SLC60A1: variants seen among roughly 807,000 people sequenced by gnomAD.
The protein encoded by SLC60A1 is solute carrier family 60 member 1.
the SLC60A1 span, chr1:205,600,640 T>C: frequency 1.7e-6 from 1 of 602,352 alleles, no homozygotes; most frequent in African/African-American, 1.9e-5. Context: ...TCAAAATCAT[T>C]AGAAGTTTAC....
the SLC60A1 span, chr1:205,597,732 T>C: frequency 1.6e-5 from 25 of 1,603,118 alleles, no homozygotes; most frequent in Non-Finnish European, 2.1e-5. Context: ...TGCTGGCTTC[T>C]GTCTCCTTAA....
chr1:205,570,520 A>G, the SLC60A1 span, among the ~76,000 whole-genome samples: 1 of 152,238 alleles, frequency 6.6e-6, no homozygotes, highest in African/African-American at 2.4e-5. Flanking sequence ...AGCTGGTGGA[A>G]GGAGCACAGG....
the SLC60A1 span, chr1:205,598,995 C>A: frequency 1.7e-6 from 2 of 1,176,308 alleles, no homozygotes; most frequent in Non-Finnish European, 2.4e-6. Context: ...CCCTCCTCCC[C>A]GTGATTCCAT....
At chr1:205,584,746 C>G in the SLC60A1 span, 3 of 767,972 alleles carry the variant, frequency 3.9e-6, no homozygotes, top group East Asian at 5.0e-5. Context: ...ACAGAAAGGT[C>G]GTGAAAGTAG....
chr1:205,584,571 A>G, the SLC60A1 span, among the ~76,000 whole-genome samples: 6 of 145,040 alleles, frequency 4.1e-5, no homozygotes, highest in East Asian at 9.9e-4. Context: ...AAAAAAGAAA[A>G]TCTTGGCCCT....
the SLC60A1 span, among the ~76,000 whole-genome samples, chr1:205,594,516 C>T: frequency 1.3e-5 from 2 of 151,976 alleles, no homozygotes; most frequent in South Asian, 2.1e-4. Flanking sequence ...ATTAGCTAGG[C>T]GTGGTGGCAG....
the SLC60A1 span, among the ~76,000 whole-genome samples, chr1:205,579,324 C>G: frequency 1.5e-5 from 2 of 135,074 alleles, no homozygotes; most frequent in African/African-American, 5.9e-5. Context: ...AAATGCCCAG[C>G]TCTGAGACTT....
the SLC60A1 span, chr1:205,586,085 G>A: frequency 5.0e-6 from 8 of 1,613,398 alleles, no homozygotes; most frequent in Non-Finnish European, 6.8e-6. Context: ...GCCCCTGTCT[G>A]TGGGACACAA....
At chr1:205,581,034 G>C in the SLC60A1 span, 1 of 1,373,414 alleles carries the variant, frequency 7.3e-7, no homozygotes, top group Non-Finnish European at 9.8e-7. The surrounding 1 kb of genome is among the most constrained non-coding windows in gnomAD (Gnocchi z 4.2). Flanking sequence ...CTGGGGCTGA[G>C]GTGTGCATCC....
At chr1:205,570,627 T>C in the SLC60A1 span, among the ~76,000 whole-genome samples, 1 of 152,202 alleles carries the variant, frequency 6.6e-6, no homozygotes, top group Admixed American at 6.5e-5. Context: ...TAAACCAAAT[T>C]ATTCTCTTCT....
chr1:205,580,120 A>G, the SLC60A1 span, among the ~76,000 whole-genome samples: 1 of 152,106 alleles, frequency 6.6e-6, no homozygotes, highest in African/African-American at 2.4e-5. This position sits in a 1 kb window ranked among gnomAD's most constrained non-coding sequence, Gnocchi z 5.0. Context: ...CCCTGCCCTC[A>G]CTGCAGGGTG....
chr1:205,575,711 CT>C, the SLC60A1 span, among the ~76,000 whole-genome samples: 3 of 152,328 alleles, frequency 2.0e-5, no homozygotes, highest in Non-Finnish European at 4.4e-5. Flanking sequence ...AGAACTCAGG[CT>C]CCTTCCTCTT....
At chr1:205,602,437 A>C in the SLC60A1 span, 5 of 152,624 alleles carry the variant, frequency 3.3e-5, no homozygotes, top group Admixed American at 2.6e-4. Flanking sequence ...GGCATTTCTA[A>C]AAGTACCTAC....
the SLC60A1 span, among the ~76,000 whole-genome samples, chr1:205,573,846 C>G: frequency 1.6e-4 from 25 of 152,108 alleles, no homozygotes; most frequent in African/African-American, 6.0e-4. Flanking sequence ...TACAGGCATG[C>G]GCTGCCACAC....
At chr1:205,600,890 G>A in the SLC60A1 span, 26 of 155,638 alleles carry the variant, frequency 1.7e-4, no homozygotes, top group Non-Finnish European at 3.0e-4. Flanking sequence ...CAAGCTGCAA[G>A]TTATTCCCTG....
At chr1:205,579,478 T>G in the SLC60A1 span, 1 of 575,062 alleles carries the variant, frequency 1.7e-6, no homozygotes, top group Non-Finnish European at 3.1e-6. Context: ...AATTTAGGGT[T>G]TAAGGAAATA....
chr1:205,586,704 T>C, the SLC60A1 span, among the ~76,000 whole-genome samples: 1 of 151,642 alleles, frequency 6.6e-6, no homozygotes. Context: ...TGACTCTTTT[T>C]TTTTTTTTTT....
At chr1:205,580,983 C>G in the SLC60A1 span, 1 of 1,556,760 alleles carries the variant, frequency 6.4e-7, no homozygotes, top group Non-Finnish European at 8.7e-7. The surrounding 1 kb of genome is among the most constrained non-coding windows in gnomAD (Gnocchi z 5.0). Flanking sequence ...TCCCAGTCCA[C>G]CCCACACCCA....
chr1:205,578,360 C>T, the SLC60A1 span, among the ~76,000 whole-genome samples: 14 of 152,228 alleles, frequency 9.2e-5, no homozygotes, highest in African/African-American at 3.1e-4. Flanking sequence ...TTTATCAGCC[C>T]ACGGTGTGTG....
Sources: gnomAD v4.1 joint callset for allele counts (sites outside exome capture counted in the v4.1 genomes callset) on GRCh38, gnomAD v4.1.1 for gene constraint, Gnocchi (gnomAD v3.1) non-coding constraint, MANE v1.5 for transcripts, NCBI Gene and HGNC (gene_info 2026-07-23, HGNC 2026-07-21) for gene names.